The following RIGI variants were observed in gnomAD, a reference collection of about 807,000 sequenced individuals.
The protein encoded by RIGI is RNA sensor RIG-I.
chr9:32,496,838 T>G, the RIGI span, among the ~76,000 whole-genome samples: 3 of 152,224 alleles, frequency 2.0e-5, no homozygotes, highest in Admixed American at 2.0e-4. Context: ...GACTGTCCTT[T>G]CCCCATTGAG....
the RIGI span, chr9:32,456,665 T>C: frequency 1.3e-5 from 2 of 157,652 alleles, no homozygotes; most frequent in Admixed American, 1.2e-4. Context: ...AGAGGTCAAA[T>C]AGAAGGTTAA....
the RIGI span, among the ~76,000 whole-genome samples, chr9:32,502,895 G>A: frequency 6.6e-6 from 1 of 152,146 alleles, no homozygotes; most frequent in Non-Finnish European, 1.5e-5. Context: ...TGAACTAGGG[G>A]CCTGCCCTAC....
At chr9:32,518,910 A>G in the RIGI span, among the ~76,000 whole-genome samples, 1 of 152,166 alleles carries the variant, frequency 6.6e-6, no homozygotes, top group African/African-American at 2.4e-5. Context: ...GGGTTTTACC[A>G]TGTTGGCCAG....
At chr9:32,499,807 T>C in the RIGI span, among the ~76,000 whole-genome samples, 1 of 152,058 alleles carries the variant, frequency 6.6e-6, no homozygotes, top group Non-Finnish European at 1.5e-5. Context: ...CAGGCTGGAG[T>C]GCAGCAGCGC....
chr9:32,519,239 A>G, the RIGI span, among the ~76,000 whole-genome samples: 1 of 152,182 alleles, frequency 6.6e-6, no homozygotes, highest in African/African-American at 2.4e-5. Context: ...ACTTATATAT[A>G]CATATTAATA....
At chr9:32,475,442 T>C in the RIGI span, among the ~76,000 whole-genome samples, 63 of 152,242 alleles carry the variant, frequency 4.1e-4, no homozygotes, top group African/African-American at 1.5e-3. Context: ...CAGCATGGAA[T>C]GGGTGAAGAG....
the RIGI span, among the ~76,000 whole-genome samples, chr9:32,470,615 T>C: frequency 6.6e-6 from 1 of 152,214 alleles, no homozygotes; most frequent in Admixed American, 6.5e-5. Flanking sequence ...CTAGGTACTA[T>C]TATTATTTTT....
the RIGI span, among the ~76,000 whole-genome samples, chr9:32,472,597 A>G: frequency 5.9e-5 from 9 of 152,182 alleles, no homozygotes; most frequent in Admixed American, 1.3e-4. Flanking sequence ...GCCTTCTCCA[A>G]AGTCAGAGAC....
the RIGI span, among the ~76,000 whole-genome samples, chr9:32,512,518 G>A: frequency 6.6e-6 from 1 of 152,058 alleles, no homozygotes; most frequent in Non-Finnish European, 1.5e-5. Flanking sequence ...AAATTCAACA[G>A]CCCTTCATGC....
At chr9:32,499,198 C>G in the RIGI span, among the ~76,000 whole-genome samples, 11 of 148,580 alleles carry the variant, frequency 7.4e-5, no homozygotes, top group Non-Finnish European at 1.0e-4. Context: ...ATTTTTTGCT[C>G]TATGTATGTT....
chr9:32,514,973 C>G, the RIGI span, among the ~76,000 whole-genome samples: 2 of 152,056 alleles, frequency 1.3e-5, no homozygotes, highest in Non-Finnish European at 2.9e-5. Flanking sequence ...ACATAAATAC[C>G]TGGCTAAATA....
chr9:32,510,888 G>A, the RIGI span, among the ~76,000 whole-genome samples: 1 of 151,878 alleles, frequency 6.6e-6, no homozygotes, highest in African/African-American at 2.4e-5. Context: ...CAGGGATGGA[G>A]GAAGATTTAC....
the RIGI span, chr9:32,500,676 T>TAC: frequency 8.9e-7 from 1 of 1,124,014 alleles, no homozygotes; most frequent in South Asian, 1.7e-5. Flanking sequence ...AAACAGTCTT[T>TAC]ACATTGTCTC....
chr9:32,469,091 G>A, the RIGI span, among the ~76,000 whole-genome samples: 1 of 152,146 alleles, frequency 6.6e-6, no homozygotes, highest in Non-Finnish European at 1.5e-5. Flanking sequence ...CCCCTGTGAT[G>A]ACAGAGCCAT....
the RIGI span, among the ~76,000 whole-genome samples, chr9:32,517,633 G>A: frequency 6.6e-6 from 1 of 152,190 alleles, no homozygotes; most frequent in African/African-American, 2.4e-5. Context: ...TGAGGTATCA[G>A]AGTTTGGCAG....
chr9:32,497,541 A>AT, the RIGI span, among the ~76,000 whole-genome samples: 1 of 152,180 alleles, frequency 6.6e-6, no homozygotes, highest in Admixed American at 6.5e-5. Context: ...AGGTCAGGAG[A>AT]TTGAGACCAT....
At chr9:32,495,400 A>T in the RIGI span, among the ~76,000 whole-genome samples, 1 of 151,808 alleles carries the variant, frequency 6.6e-6, no homozygotes, top group Non-Finnish European at 1.5e-5. Context: ...ATGGGGTTTC[A>T]CCATCTTGGC....
the RIGI span, chr9:32,500,657 T>G: frequency 1.1e-6 from 1 of 883,660 alleles, no homozygotes; most frequent in Non-Finnish European, 1.6e-6. Flanking sequence ...AATTATATCA[T>G]CTGCCTAAAA....
the RIGI span, chr9:32,480,294 A>G: frequency 3.1e-6 from 5 of 1,611,102 alleles, no homozygotes; most frequent in South Asian, 4.4e-5. Flanking sequence ...AAGTCTTTCA[A>G]GTAATCCAGA....
Sources: gnomAD v4.1 joint callset for allele counts (sites outside exome capture counted in the v4.1 genomes callset) on GRCh38, gnomAD v4.1.1 for gene constraint, MANE v1.5 for transcripts, NCBI Gene and HGNC (gene_info 2026-07-23, HGNC 2026-07-21) for gene names.